The following COL4A4 variants were observed in gnomAD, a reference collection of about 807,000 sequenced individuals.
COL4A4 encodes the protein collagen alpha-4(IV) chain.
COL4A4 carries 105 observed loss-of-function variants against 192.9 expected under a neutral mutation model. The observed-to-expected ratio is 0.54, with a 90% CI of 0.46 to 0.64. The LOEUF is 0.64. Ranked by LOEUF, COL4A4 falls within the 30% of genes least tolerant of loss-of-function variation. The probability of loss-of-function intolerance (pLI) is 0.00; values close to 1 mark genes in which losing one functional copy is unlikely to be tolerated. For synonymous variants in COL4A4, 762 were observed against 769.9 expected, an observed-to-expected ratio of 0.99 and a Z score of 0.17; for missense variants, 1,967 against 2,169.3, an observed-to-expected ratio of 0.91 and a Z score of 1.85.
downstream of COL4A4, among the ~76,000 whole-genome samples, chr2:227,001,551 C>CTATT (rs138088365): frequency 1.3e-5 from 2 of 152,140 alleles, no homozygotes; most frequent in East Asian, 1.9e-4. Flanking sequence ...GTGAGACCCT[C>CTATT]TATTTTCTAA....
At chr2:226,977,801 T>C in the COL4A4 span, among the ~76,000 whole-genome samples, 1 of 152,362 alleles carries the variant, frequency 6.6e-6, no homozygotes, top group African/African-American at 2.4e-5. Context: ...AATTGGCCTA[T>C]TGTTCTAAGT....
At chr2:227,002,171 A>G (rs1163778822), downstream of COL4A4, among the ~76,000 whole-genome samples, 4 of 119,304 alleles carry the variant, frequency 3.4e-5, no homozygotes, top group East Asian at 8.1e-4. Context: ...CCTGTCTCAA[A>G]AAAAAAAAAA....
chr2:227,068,006 A>C (rs1244572173), intron 25 of COL4A4, among the ~76,000 whole-genome samples: 325 of 145,574 alleles, frequency 2.2e-3, no homozygotes, highest in African/African-American at 7.9e-3. Context: ...GAAGAATCAA[A>C]TAGATGCAAT....
At chr2:227,056,596 T>C (rs1975424128) in intron 29 of COL4A4, among the ~76,000 whole-genome samples, 1 of 152,208 alleles carries the variant, frequency 6.6e-6, no homozygotes, top group African/African-American at 2.4e-5. Flanking sequence ...AGCAATGGGA[T>C]TTAAATGACA....
At chr2:227,000,829 T>C (rs899256187), downstream of COL4A4, among the ~76,000 whole-genome samples, 5 of 152,088 alleles carry the variant, frequency 3.3e-5, no homozygotes, top group African/African-American at 9.7e-5. Context: ...TTTCCCATGC[T>C]GTTCTTGTGA....
At position 227,062,107 on chromosome 2, in the gene COL4A4, G is replaced by A. The variant is rs553643032; in HGVS notation, c.2056+423C>T. Among the ~76,000 whole-genome samples the A allele has an allele frequency of 3.3e-5, 5 of 151,994 alleles. No individual in the cohort carries two copies. In the South Asian group the frequency reaches 6.3e-4, roughly 19 times the overall value. On this transcript the variant is annotated intron_variant, in intron 26 of 47. Coordinates refer to ENST00000396625, the MANE Select transcript of COL4A4 (RefSeq NM_000092.5). Reference sequence around the variant, plus strand: ...ACAAAAATTAGCCGGGCACGGTGGCGGGTACCTGTAGTCCCAGCTACTTGG... The same window carrying A: ...ACAAAAATTAGCCGGGCACGGTGGCAGGTACCTGTAGTCCCAGCTACTTGG...
chr2:227,050,150 A>G lies in COL4A4; in HGVS notation c.3151-19T>C. Reference sequence around the variant, plus strand: ...GCTCACCCTGACAGTTTAATGAAACAAAAGGCCTTAATCAGATTTCAAATA... The same window carrying G: ...GCTCACCCTGACAGTTTAATGAAACGAAAGGCCTTAATCAGATTTCAAATA... On this transcript the variant is annotated intron_variant, in intron 33 of 47. Transcript: ENST00000396625. The G allele has an allele frequency of 1.2e-6, 2 of 1,608,552 alleles. No homozygotes were observed. Among genetic ancestry groups the G allele is most frequent in the Non-Finnish European group, 1.7e-6 (2 of 1,174,904 alleles).
intron 16 of COL4A4, 140 bp from the exon 17 acceptor site, chr2:227,101,697 T>A: frequency 9.2e-7 from 1 of 1,089,940 alleles, no homozygotes; most frequent in Non-Finnish European, 1.4e-6. Flanking sequence ...CATCAGACAA[T>A]CTTGTGCTTC....
intron 20 of COL4A4, among the ~76,000 whole-genome samples, chr2:227,092,699 T>TATGG (rs2060003726): frequency 6.6e-6 from 1 of 152,196 alleles, no homozygotes; most frequent in Non-Finnish European, 1.5e-5. Flanking sequence ...TTATACTTTA[T>TATGG]ATGGCTCAGC....
chr2:227,041,805 GAAGAAAGA>G lies in COL4A4; in HGVS notation c.3505+335_3505+342del, dbSNP rs202002799. Among the ~76,000 whole-genome samples the G allele has an allele frequency of 7.2e-3, 285 of 39,328 alleles. 8 individuals are homozygous for G. Among genetic ancestry groups the G allele is most frequent in the Middle Eastern group, 0.026 (2 of 76 alleles). The allele number at this position is 39,328 out of a possible 152,430, so 25.8% of individuals were successfully genotyped here. ...AAGGAAGGGAAAGAAAGAAAGAAAG[GAAGAAAGA>G]AAGAAAGAAAGAAAGAAAGAAAGAA... On this transcript the variant is annotated intron_variant, in intron 37 of 47. Transcript: ENST00000396625.
chr2:227,129,305 A>G (rs1316369010), intron 4 of COL4A4, among the ~76,000 whole-genome samples: 1 of 151,328 alleles, frequency 6.6e-6, no homozygotes, highest in African/African-American at 2.4e-5. Flanking sequence ...TACCACATCT[A>G]CCCTAAAATA....
chr2:227,159,620 G>A (rs944598782), intron 1 of COL4A4, among the ~76,000 whole-genome samples: 9 of 152,126 alleles, frequency 5.9e-5, no homozygotes, highest in Non-Finnish European at 1.3e-4. Flanking sequence ...GAATCATGGG[G>A]GTGGTTTCCC....
At chr2:227,163,540 A>T (rs1378160912) in intron 1 of COL4A4, among the ~76,000 whole-genome samples, 8 of 152,272 alleles carry the variant, frequency 5.3e-5, no homozygotes, top group Non-Finnish European at 7.3e-5. Context: ...TACCAGAGCC[A>T]GTGTGGTCCG....
chr2:227,018,757 A>G (rs1197950282), intron 44 of COL4A4, among the ~76,000 whole-genome samples: 3 of 152,146 alleles, frequency 2.0e-5, no homozygotes, highest in African/African-American at 7.2e-5. Context: ...GGCTCCAATA[A>G]AGAGAGGGCA....
At chr2:226,975,446 GGGA>G in the COL4A4 span, among the ~76,000 whole-genome samples, 3 of 152,164 alleles carry the variant, frequency 2.0e-5, no homozygotes, top group African/African-American at 7.2e-5. Context: ...CATGGGGTGA[GGGA>G]GGGCCCCACT....
intron 44 of COL4A4, among the ~76,000 whole-genome samples, chr2:227,020,880 CTTTTTTT>C (rs57119611): frequency 4.7e-5 from 6 of 127,598 alleles, no homozygotes; most frequent in South Asian, 2.5e-4. Context: ...ACACTTTTTT[CTTTTTTT>C]TTTTTTTTTG....
chr2:227,131,491 G>A (rs1196969339), intron 4 of COL4A4, among the ~76,000 whole-genome samples: 2 of 152,086 alleles, frequency 1.3e-5, no homozygotes, highest in Non-Finnish European at 2.9e-5. Context: ...ATGCTGCCGG[G>A]TTCCTTACCC....
chr2:227,012,130 CA>C (rs1379950731), intron 45 of COL4A4, 50 bp downstream of exon 45: 1 of 1,417,516 alleles, frequency 7.1e-7, no homozygotes, highest in Admixed American at 1.7e-5. Flanking sequence ...ATTTTGTATA[CA>C]ACTCTAAGGT....
the COL4A4 span, chr2:226,988,337 C>T: frequency 6.5e-7 from 1 of 1,549,426 alleles, no homozygotes; most frequent in Non-Finnish European, 8.7e-7. Context: ...TGCAGGAAAA[C>T]CAGGTCATAA....
Sources: gnomAD v4.1 joint callset for allele counts (sites outside exome capture counted in the v4.1 genomes callset) on GRCh38, gnomAD v4.1.1 for gene constraint, MANE v1.5 for transcripts, NCBI Gene and HGNC (gene_info 2026-07-23, HGNC 2026-07-21) for gene names.